Variants in RANBP2 observed in about 807,000 individuals in gnomAD.
RANBP2 encodes E3 SUMO-protein ligase RanBP2.
RANBP2 carries 57 observed loss-of-function variants against 303.6 expected under a neutral mutation model. The observed-to-expected ratio is 0.19, with a 90% CI of 0.15 to 0.23. The LOEUF (loss-of-function observed/expected upper bound fraction) is 0.23, where lower values mean the gene tolerates loss of function less well. RANBP2 is among the 10% of genes least tolerant of loss of function. The pLI is 1.00. For synonymous variants in RANBP2, 1,167 were observed against 1,301.5 expected (o/e 0.90, Z 2.23); for missense variants, 3,138 against 3,780.8 (o/e 0.83, Z 4.46).
the RANBP2 span, chr2:109,565,991 G>C: frequency 1.0e-5 from 8 of 792,858 alleles, no homozygotes; most frequent in East Asian, 2.1e-4. Flanking sequence ...CTATGCCTCA[G>C]ATTTTAAAAC....
chr2:109,522,490 T>C, the RANBP2 span, among the ~76,000 whole-genome samples: 1 of 151,938 alleles, frequency 6.6e-6, no homozygotes, highest in Non-Finnish European at 1.5e-5. Context: ...AGAGACGGGG[T>C]TTCACCATGT....
At chr2:109,330,357 C>CT in the RANBP2 span, among the ~76,000 whole-genome samples, 102 of 150,460 alleles carry the variant, frequency 6.8e-4, 2 homozygotes, top group South Asian at 4.0e-3. Flanking sequence ...TCTCTTCCTT[C>CT]TTTTTTTTTT....
At chr2:109,571,557 A>T in the RANBP2 span, among the ~76,000 whole-genome samples, 1 of 152,348 alleles carries the variant, frequency 6.6e-6, no homozygotes, top group East Asian at 1.9e-4. Context: ...ACATATCTAA[A>T]CACAGAAACA....
intron 7 of RANBP2, among the ~76,000 whole-genome samples, chr2:108,743,439 A>G (rs1335944128): frequency 2.6e-5 from 4 of 152,082 alleles, no homozygotes; most frequent in Non-Finnish European, 5.9e-5. Flanking sequence ...ATGCCTGGCT[A>G]CATTGTTAAA....
At chr2:109,574,442 CTAAAAAA>C in the RANBP2 span, 30 of 269,232 alleles carry the variant, frequency 1.1e-4, no homozygotes, top group Non-Finnish European at 1.5e-4. Flanking sequence ...GACTTTATCT[CTAAAAAA>C]AAAAAAAAAA....
At chr2:108,898,378 G>A in the RANBP2 span, among the ~76,000 whole-genome samples, 1 of 152,180 alleles carries the variant, frequency 6.6e-6, no homozygotes, top group African/African-American at 2.4e-5. Flanking sequence ...TTGAGTGTTA[G>A]TGAAGGTTGA....
the RANBP2 span, among the ~76,000 whole-genome samples, chr2:109,515,803 C>T: frequency 0.54 from 81,954 of 151,984 alleles, 22,596 homozygotes; most frequent in Middle Eastern, 0.62. Flanking sequence ...GGGTAGGGGC[C>T]GTGGCGGACT....
chr2:109,439,896 G>C, the RANBP2 span, among the ~76,000 whole-genome samples: 1 of 152,196 alleles, frequency 6.6e-6, no homozygotes, highest in East Asian at 1.9e-4. Flanking sequence ...GCCTGCTTAG[G>C]TATTAAGAGA....
chr2:108,961,033 G>C, the RANBP2 span, among the ~76,000 whole-genome samples: 1 of 152,208 alleles, frequency 6.6e-6, no homozygotes, highest in African/African-American at 2.4e-5. Context: ...TGGTAGAACT[G>C]TTGGGTCAGA....
At chr2:109,016,150 T>C in the RANBP2 span, among the ~76,000 whole-genome samples, 1 of 152,188 alleles carries the variant, frequency 6.6e-6, no homozygotes, top group Non-Finnish European at 1.5e-5. Context: ...GGCGTGATCT[T>C]GGCTTACTGC....
the RANBP2 span, chr2:108,883,672 G>A: frequency 1.3e-5 from 2 of 152,248 alleles, no homozygotes; most frequent in African/African-American, 4.8e-5. Flanking sequence ...GCTCACTCGA[G>A]TGGGCTTCTT....
At chr2:109,663,267 C>T in the RANBP2 span, among the ~76,000 whole-genome samples, 2 of 152,218 alleles carry the variant, frequency 1.3e-5, no homozygotes, top group African/African-American at 4.8e-5. Context: ...TGTGGGCTCT[C>T]ACAGCACTTT....
chr2:109,681,854 G>A, the RANBP2 span, among the ~76,000 whole-genome samples: 4 of 152,388 alleles, frequency 2.6e-5, no homozygotes, highest in African/African-American at 7.2e-5. Context: ...CCCGCTCAGC[G>A]GAGACCAAAC....
intron 1 of RANBP2, among the ~76,000 whole-genome samples, chr2:108,722,401 G>A (rs1694333999): frequency 6.6e-6 from 1 of 151,960 alleles, no homozygotes; most frequent in Admixed American, 6.6e-5. Flanking sequence ...GGGTGCTTTG[G>A]ATAGAAGGTA....
chr2:109,366,765 A>T, the RANBP2 span, among the ~76,000 whole-genome samples: 3 of 152,158 alleles, frequency 2.0e-5, no homozygotes, highest in African/African-American at 7.2e-5. Context: ...AGGAGGGAGG[A>T]CCACTTGCGC....
chr2:108,891,598 A>G, the RANBP2 span, among the ~76,000 whole-genome samples: 29 of 152,306 alleles, frequency 1.9e-4, no homozygotes, highest in South Asian at 6.2e-4. Context: ...CCAGGGCTGT[A>G]TAGCTGGCAT....
At chr2:108,803,237 G>C in the RANBP2 span, among the ~76,000 whole-genome samples, 1 of 152,150 alleles carries the variant, frequency 6.6e-6, no homozygotes, top group African/African-American at 2.4e-5. Flanking sequence ...GTGCCCGCCT[G>C]AGCGGCTCAA....
At chr2:108,814,883 G>A in the RANBP2 span, among the ~76,000 whole-genome samples, 6 of 152,032 alleles carry the variant, frequency 3.9e-5, no homozygotes, top group African/African-American at 1.2e-4. Context: ...TGATCCACCT[G>A]CCTCTGCCTC....
chr2:109,620,791 CTAAG>C, the RANBP2 span, among the ~76,000 whole-genome samples: 1 of 152,186 alleles, frequency 6.6e-6, no homozygotes, highest in Non-Finnish European at 1.5e-5. Context: ...CTTAAATAGT[CTAAG>C]TACTGTCAGG....
Sources: allele counts gnomAD v4.1 joint callset (sites outside exome capture counted in the v4.1 genomes callset), GRCh38; gene constraint gnomAD v4.1.1; transcripts MANE v1.5; gene names NCBI Gene and HGNC (gene_info 2026-07-23, HGNC 2026-07-21).